PLEKHA7: variants seen among roughly 807,000 people sequenced by gnomAD.
The protein encoded by PLEKHA7 is pleckstrin homology domain-containing family A member 7.
In PLEKHA7, 104 loss-of-function variants were observed where a neutral mutation model predicts 170.0. The ratio of observed to expected loss-of-function variants is 0.61; its 90% CI spans 0.52 to 0.72. PLEKHA7 has a LOEUF of 0.72. Ranked by LOEUF, PLEKHA7 falls within the 30% of genes least tolerant of loss-of-function variation. The probability of loss-of-function intolerance (pLI) is 0.00; values close to 1 mark genes in which losing one functional copy is unlikely to be tolerated. For missense variants in PLEKHA7, 1,615 were observed against 1,671.7 expected (o/e 0.97, Z 0.59); for synonymous variants, 648 against 660.8 (o/e 0.98, Z 0.30).
intron 3 of PLEKHA7, among the ~76,000 whole-genome samples, chr11:16,901,046 C>A (rs1857300416): frequency 6.6e-6 from 1 of 151,972 alleles, no homozygotes; most frequent in Non-Finnish European, 1.5e-5. Context: ...GGTTTCACCC[C>A]ATGTTGGCCA....
chr11:16,815,000 G>C (rs922690307), intron 12 of PLEKHA7, among the ~76,000 whole-genome samples: 9 of 152,238 alleles, frequency 5.9e-5, no homozygotes, highest in Non-Finnish European at 1.2e-4. Flanking sequence ...AGTGCCAGAA[G>C]GGTAGGCTCA....
Position 16,982,839 on chromosome 11 carries a change from A to AGG in PLEKHA7, c.221+31149_221+31150insCC, listed in dbSNP as rs555278365. 6.1e-4 allele frequency among the ~76,000 whole-genome samples: 92 copies of AGG among 151,748 alleles called. No homozygotes were observed. In the East Asian group the frequency reaches 0.018, roughly 29 times the overall value. On this transcript the variant is annotated intron_variant, in intron 3 of 26. Coordinates refer to ENST00000531066, the MANE Select transcript of PLEKHA7 (RefSeq NM_001329630.2). ...GAGAGACAGAGAGAGAGAGGGAGAG[A>AGG]GAGAGAGAGAAACTCCCAACTACTC... is the stretch of plus-strand genomic sequence containing the variant.
At chr11:16,925,628 G>A (rs773316843) in intron 3 of PLEKHA7, among the ~76,000 whole-genome samples, 18 of 152,296 alleles carry the variant, frequency 1.2e-4, no homozygotes, top group African/African-American at 3.6e-4. Context: ...TCGCGAGCCC[G>A]GGCGGGCCAC....
intron 6 of PLEKHA7, among the ~76,000 whole-genome samples, chr11:16,853,501 G>T (rs1282009532): frequency 3.9e-5 from 6 of 152,096 alleles, no homozygotes; most frequent in Non-Finnish European, 8.8e-5. Context: ...AGCCCTTCTG[G>T]ACACCCCCCA....
At chr11:16,927,891 G>A (rs1336848673) in intron 3 of PLEKHA7, among the ~76,000 whole-genome samples, 1 of 151,904 alleles carries the variant, frequency 6.6e-6, no homozygotes, top group Non-Finnish European at 1.5e-5. Context: ...ACATGCTTAC[G>A]ATGGAATACA....
intron 3 of PLEKHA7, among the ~76,000 whole-genome samples, chr11:16,967,747 T>A (rs1286887622): frequency 2.0e-5 from 3 of 152,172 alleles, no homozygotes; most frequent in Non-Finnish European, 2.9e-5. Flanking sequence ...GAGCCCAGAA[T>A]GAGCACCACA....
At chr11:16,853,639 G>C (rs1405962877) in intron 6 of PLEKHA7, among the ~76,000 whole-genome samples, 1 of 152,208 alleles carries the variant, frequency 6.6e-6, no homozygotes, top group Non-Finnish European at 1.5e-5. Flanking sequence ...ATATGTCAAA[G>C]GGGCATCCTT....
intron 17 of PLEKHA7, chr11:16,795,275 C>T (rs1374271802): frequency 3.4e-5 from 16 of 471,354 alleles, no homozygotes; most frequent in Non-Finnish European, 4.2e-5. Flanking sequence ...AACAGACTGC[C>T]GTAAACACTG....
At chr11:16,882,749 A>T (rs2135809997) in intron 3 of PLEKHA7, among the ~76,000 whole-genome samples, 1 of 152,322 alleles carries the variant, frequency 6.6e-6, no homozygotes, top group African/African-American at 2.4e-5. Flanking sequence ...GGAGAAAAAT[A>T]ATGATTAGAT....
chr11:16,806,451 C>T (rs1848994817), intron 13 of PLEKHA7, among the ~76,000 whole-genome samples: 1 of 152,222 alleles, frequency 6.6e-6, no homozygotes, highest in African/African-American at 2.4e-5. Flanking sequence ...GGTGCTCATC[C>T]ATTTGAAAGA....
intron 3 of PLEKHA7, among the ~76,000 whole-genome samples, chr11:16,979,188 C>T (rs926784076): frequency 2.6e-5 from 4 of 152,156 alleles, no homozygotes; most frequent in African/African-American, 9.7e-5. Context: ...CGCTACCACG[C>T]CTGGCTAATT....
At chr11:16,967,562 G>A (rs982069124) in intron 3 of PLEKHA7, among the ~76,000 whole-genome samples, 1 of 152,178 alleles carries the variant, frequency 6.6e-6, no homozygotes, top group African/African-American at 2.4e-5. Context: ...CCCCTCACAA[G>A]GCACAGTGTA....
intron 3 of PLEKHA7, among the ~76,000 whole-genome samples, chr11:16,968,401 G>C (rs1013211414): frequency 1.3e-5 from 2 of 152,218 alleles, no homozygotes; most frequent in Non-Finnish European, 2.9e-5. Context: ...CCAGCGCTGA[G>C]ATCAGGCCTC....
Position 16,826,160 on chromosome 11 carries a change from C to T in PLEKHA7, c.1303G>A (p.Val435Met), listed in dbSNP as rs1440501675. The T allele has an allele frequency of 6.2e-7, 1 of 1,614,128 alleles. No homozygotes were observed. Among genetic ancestry groups the T allele is most frequent in the Non-Finnish European group, 8.5e-7 (1 of 1,180,050 alleles). The change falls in exon 10 of 27, where the codon GTG becomes ATG. Residue 435 changes from valine to methionine, a missense_variant. Val to Met is a conservative substitution (Grantham distance 21). Coordinates refer to ENST00000531066, the MANE Select transcript of PLEKHA7 (RefSeq NM_001329630.2). ...TTCTGGGCCCTTGCCCAGTGCTCCA[C>T]CTGGGCCAGATTGCTCTTCCTTTGG... Reference protein sequence around the residue: ...HSQRKSNLAQVEHWARAQKGD... With the variant: ...HSQRKSNLAQMEHWARAQKGD...
chr11:16,931,588 C>CACAAA (rs1005785242), intron 3 of PLEKHA7, among the ~76,000 whole-genome samples: 9 of 151,510 alleles, frequency 5.9e-5, no homozygotes, highest in South Asian at 2.1e-4. Context: ...ACAAACACAA[C>CACAAA]ACAAAACAAA....
Position 16,786,218 on chromosome 11 carries a change from C to T in PLEKHA7, c.3516+11G>A, listed in dbSNP as rs2134160140. On this transcript the variant is annotated intron_variant, in intron 24 of 26. Coordinates refer to ENST00000531066, the MANE Select transcript of PLEKHA7 (RefSeq NM_001329630.2). ...TCTCCTGGAGGACATGAAGGAAGTG[C>T]CTGCCCTCACCTCTCTGCTGATGTC... 6.5e-7 allele frequency: 1 copy of T among 1,535,864 alleles called. No homozygotes were observed. The highest frequency in any genetic ancestry group is 1.2e-5 in the South Asian group (1 of 84,024).
intron 3 of PLEKHA7, among the ~76,000 whole-genome samples, chr11:16,974,419 C>T (rs1862926854): frequency 2.0e-5 from 3 of 151,848 alleles, no homozygotes; most frequent in South Asian, 2.1e-4. Flanking sequence ...TGACAGACTG[C>T]GCAAAATATG....
At chr11:16,863,607 A>T (rs1000253287) in intron 4 of PLEKHA7, among the ~76,000 whole-genome samples, 9 of 152,294 alleles carry the variant, frequency 5.9e-5, no homozygotes, top group African/African-American at 1.9e-4. Flanking sequence ...CTGTCAGTCA[A>T]ATGCTAGCGT....
intron 3 of PLEKHA7, among the ~76,000 whole-genome samples, chr11:16,946,049 T>C (rs987302127): frequency 1.3e-5 from 2 of 152,204 alleles, no homozygotes; most frequent in African/African-American, 4.8e-5. Context: ...CCACTGTCGT[T>C]TCCTCCTCAC....
Sources: gnomAD v4.1 joint callset for allele counts (sites outside exome capture counted in the v4.1 genomes callset) on GRCh38, gnomAD v4.1.1 for gene constraint, MANE v1.5 for transcripts, NCBI Gene and HGNC (gene_info 2026-07-23, HGNC 2026-07-21) for gene names.